Variants in SCAMP1 observed in about 807,000 individuals in gnomAD.
SCAMP1 encodes the protein secretory carrier membrane protein 1, also known as secretory carrier-associated membrane protein 1.
SCAMP1 carries 15 observed loss-of-function variants against 41.8 expected under a neutral mutation model. The observed-to-expected ratio is 0.36, with a 90% CI of 0.24 to 0.55. The LOEUF (loss-of-function observed/expected upper bound fraction) is 0.55. SCAMP1 is among the 20% of genes least tolerant of loss of function. The pLI is 0.86. For missense variants in SCAMP1, 341 were observed against 412.6 expected (o/e 0.83, Z 1.50); for synonymous variants, 135 against 136.8 (o/e 0.99, Z 0.09).
intron 2 of SCAMP1, among the ~76,000 whole-genome samples, chr5:78,409,711 A>C (rs1228846287): frequency 6.6e-6 from 1 of 152,168 alleles, no homozygotes; most frequent in Non-Finnish European, 1.5e-5. Flanking sequence ...CATCATTGCT[A>C]TACTGCAAGC....
chr5:78,403,918 T>G (rs1054373582), intron 2 of SCAMP1, among the ~76,000 whole-genome samples: 1 of 116,626 alleles, frequency 8.6e-6, no homozygotes, highest in Non-Finnish European at 1.6e-5. Context: ...TGAGCCAAGA[T>G]CGTGCCTAGG....
intron 1 of SCAMP1, among the ~76,000 whole-genome samples, chr5:78,371,336 A>G (rs1240335164): frequency 1.3e-5 from 2 of 152,168 alleles, no homozygotes; most frequent in South Asian, 2.1e-4. Flanking sequence ...TAATTTTTGT[A>G]TTTGGTATGA....
chr5:78,430,227 T>A (rs1405277134), intron 6 of SCAMP1, among the ~76,000 whole-genome samples: 1 of 116,942 alleles, frequency 8.6e-6, no homozygotes, highest in Non-Finnish European at 1.7e-5. Context: ...AGTATTTATT[T>A]ATAAATACAG....
At chr5:78,451,256 T>C (rs918455653) in intron 7 of SCAMP1, among the ~76,000 whole-genome samples, 4 of 152,226 alleles carry the variant, frequency 2.6e-5, no homozygotes, top group Admixed American at 6.5e-5. Context: ...GGTTAAACTT[T>C]TTACTTTTAG....
At chr5:78,449,728 A>G (rs981500117) in intron 6 of SCAMP1, among the ~76,000 whole-genome samples, 2 of 152,154 alleles carry the variant, frequency 1.3e-5, no homozygotes, top group Non-Finnish European at 2.9e-5. Context: ...AACGATATCT[A>G]GTGTTAGCAT....
intron 2 of SCAMP1, among the ~76,000 whole-genome samples, chr5:78,400,207 C>T (rs1437653748): frequency 2.0e-5 from 3 of 152,186 alleles, no homozygotes; most frequent in Non-Finnish European, 4.4e-5. Context: ...TTGGGCTCTC[C>T]ATTCTGTCCT....
At chr5:78,369,798 G>C (rs1038596661) in intron 1 of SCAMP1, among the ~76,000 whole-genome samples, 3 of 152,224 alleles carry the variant, frequency 2.0e-5, no homozygotes, top group African/African-American at 7.2e-5. Flanking sequence ...TTTATGTTCA[G>C]AGACCAGCTA....
At chr5:78,449,877 C>G in intron 6 of SCAMP1, 56 bp from the exon 7 acceptor site, 104 of 833,748 alleles carry the variant, frequency 1.2e-4, no homozygotes, top group Non-Finnish European at 1.8e-4. Flanking sequence ...ACGTTTTTCC[C>G]CTTCTTTCTC....
chr5:78,467,006 A>T (rs1039091554), intron 8 of SCAMP1, among the ~76,000 whole-genome samples: 1 of 152,158 alleles, frequency 6.6e-6, no homozygotes, highest in African/African-American at 2.4e-5. Context: ...TCAAGAAGAG[A>T]GTACAAGAAA....
intron 6 of SCAMP1, 39 bp from the exon 7 acceptor site, chr5:78,449,893 CT>C (rs768079341): frequency 1.3e-4 from 155 of 1,154,964 alleles, no homozygotes; most frequent in South Asian, 3.6e-4. Context: ...TTCTCTCCCC[CT>C]AACCCCCTTT....
chr5:78,469,217 A>G (rs1753815588), intron 8 of SCAMP1, among the ~76,000 whole-genome samples: 2 of 152,140 alleles, frequency 1.3e-5, no homozygotes, highest in African/African-American at 4.8e-5. Flanking sequence ...AAAGCTGATA[A>G]TTCCACTGTA....
intron 6 of SCAMP1, among the ~76,000 whole-genome samples, chr5:78,427,262 C>T (rs913551748): frequency 3.3e-5 from 5 of 152,102 alleles, no homozygotes; most frequent in Non-Finnish European, 7.4e-5. Context: ...AGGTGCCATG[C>T]TCTTTTTAAT....
chr5:78,420,793 G>A (rs1323441219), intron 5 of SCAMP1, among the ~76,000 whole-genome samples: 2 of 152,088 alleles, frequency 1.3e-5, no homozygotes, highest in East Asian at 1.9e-4. Context: ...CAGAATGTGT[G>A]TGTGTATCCT....
At chr5:78,362,270 A>T (rs1265416130) in intron 1 of SCAMP1, among the ~76,000 whole-genome samples, 4 of 152,256 alleles carry the variant, frequency 2.6e-5, no homozygotes, top group Non-Finnish European at 4.4e-5. Context: ...CCTAATTCAG[A>T]TAATTCACTG....
chr5:78,475,380 T>G, intron 8 of SCAMP1, 124 bp from the exon 9 acceptor site: 2 of 588,990 alleles, frequency 3.4e-6, no homozygotes, highest in Admixed American at 4.0e-5. Flanking sequence ...CTAATATTCT[T>G]GATCTTAGGA....
intron 6 of SCAMP1, among the ~76,000 whole-genome samples, chr5:78,428,787 C>T (rs1332786751): frequency 5.3e-5 from 8 of 152,092 alleles, no homozygotes; most frequent in African/African-American, 1.9e-4. Flanking sequence ...TAATTTCTCT[C>T]AGCCATGTTC....
intron 6 of SCAMP1, among the ~76,000 whole-genome samples, chr5:78,422,663 A>AT (rs1454167743): frequency 2.1e-4 from 32 of 152,296 alleles, no homozygotes; most frequent in South Asian, 2.1e-3. Flanking sequence ...ACACTCTTTA[A>AT]GTACCTAGTA....
intron 7 of SCAMP1, among the ~76,000 whole-genome samples, chr5:78,452,887 G>C (rs1309443744): frequency 6.7e-6 from 1 of 150,068 alleles, no homozygotes; most frequent in African/African-American, 2.5e-5. Context: ...ATTCTAACTG[G>C]TGTGAGATGA....
intron 6 of SCAMP1, among the ~76,000 whole-genome samples, chr5:78,435,939 C>T (rs1477414094): frequency 6.6e-6 from 1 of 152,170 alleles, no homozygotes; most frequent in Non-Finnish European, 1.5e-5. Flanking sequence ...GAGATGGTAT[C>T]TCATTGTGGT....
Sources: allele counts gnomAD v4.1 joint callset (sites outside exome capture counted in the v4.1 genomes callset), GRCh38; gene constraint gnomAD v4.1.1; transcripts MANE v1.5; gene names NCBI Gene and HGNC (gene_info 2026-07-23, HGNC 2026-07-21).